Variants in ZNF701 observed in about 807,000 individuals in gnomAD.
ZNF701 encodes the protein zinc finger protein 701.
ZNF701 carries 6 observed loss-of-function variants against 7.1 expected under a neutral mutation model. The observed-to-expected ratio is 0.84, with a 90% confidence interval of 0.46 to 1.66. The LOEUF is 1.66. Ranked by LOEUF, ZNF701 falls within the 40% of genes most tolerant of loss-of-function variation. The pLI, the probability that ZNF701 is intolerant of heterozygous loss-of-function variation, is 0.01. For missense variants in ZNF701, 541 were observed against 559.2 expected (o/e 0.97, Z 0.33); for synonymous variants, 166 against 188.2 (o/e 0.88, Z 0.97).
At position 52,583,440 on chromosome 19, in the gene ZNF701, A is replaced by C. The variant is rs774953046; in HGVS notation, c.1381A>C (p.Thr461Pro). 6 of 1,612,478 alleles carry C rather than the reference A, an allele frequency of 3.7e-6. No individual in the cohort carries two copies. In the African/African-American group the frequency reaches 8.0e-5, roughly 22 times the overall value. ...SNLERHHRLH[T>P]GKKS ...CCTTGAACGTCATCATAGACTTCAT[A>C]CTGGAAAGAAATCTTAGAAGTGTAA... The change falls in exon 4 of 4, where the codon ACT becomes CCT. Residue 461 changes from threonine to proline, a missense_variant. Physicochemically the swap from Thr to Pro is conservative, Grantham distance 38. Coordinates refer to ENST00000391785, the MANE Select transcript of ZNF701 (RefSeq NM_018260.3).
chr19:52,589,477 G>T (rs2060028066), downstream of ZNF701, among the ~76,000 whole-genome samples: 4 of 118,508 alleles, frequency 3.4e-5, no homozygotes, highest in African/African-American at 9.5e-5. Flanking sequence ...TCACATGCCT[G>T]CTTTTTTTTT....
rs989752651 is a variant in ZNF701, at chr19:52,586,948, G to T, written c.*3491G>T. The T allele has an allele frequency of 5.9e-5, 9 of 151,998 alleles. No individual in the cohort carries two copies. The highest frequency in any genetic ancestry group is 2.6e-4 in the Admixed American group (4 of 15,250). The allele number at this position is 151,998 out of a possible 1,614,324, so 9.4% of individuals were successfully genotyped here. On this transcript the variant is annotated 3_prime_UTR_variant, in exon 4 of 4. Coordinates refer to ENST00000391785, the MANE Select transcript of ZNF701 (RefSeq NM_018260.3). ...TGGCTCCGTGTCCCCTGCAGGCCTC[G>T]CCCCGGAGCTCTACAATCCTGTGTG...
At chr19:52,592,236 A>C in the ZNF701 span, 2 of 1,573,304 alleles carry the variant, frequency 1.3e-6, no homozygotes, top group Non-Finnish European at 1.7e-6. Context: ...TGGGTGAGGA[A>C]AATATCCCTC....
intron 3 of ZNF701, among the ~76,000 whole-genome samples, chr19:52,580,310 A>G (rs1198059603): frequency 6.6e-6 from 1 of 151,980 alleles, no homozygotes; most frequent in African/African-American, 2.4e-5. Flanking sequence ...ACGTATATAT[A>G]CAGTGTTTTT....
At position 52,574,072 on chromosome 19, in the gene ZNF701, T is replaced by G. The variant is rs768123175; in HGVS notation, c.-71-5T>G. ...AGCAGTAAACAACATATTTCTAACA[T>G]TCAGGATTGACTTCTAAAGACTTGG... On this transcript the variant is annotated splice_polypyrimidine_tract_variant and splice_region_variant and intron_variant, in intron 1 of 3. Coordinates refer to ENST00000391785, the MANE Select transcript of ZNF701 (RefSeq NM_018260.3). 6.2e-7 allele frequency: 1 copy of G among 1,610,788 alleles called. No individual in the cohort carries two copies. Among genetic ancestry groups the G allele is most frequent in the Admixed American group, 1.7e-5 (1 of 59,944 alleles).
At chr19:52,592,784 A>T in the ZNF701 span, among the ~76,000 whole-genome samples, 4 of 120,242 alleles carry the variant, frequency 3.3e-5, 1 homozygote, top group Non-Finnish European at 7.3e-5. Flanking sequence ...TTTTTATTTT[A>T]TTTTTATTTT....
At chr19:52,577,601 C>T (rs1017005803) in intron 3 of ZNF701, among the ~76,000 whole-genome samples, 8 of 151,762 alleles carry the variant, frequency 5.3e-5, no homozygotes, top group African/African-American at 1.9e-4. Flanking sequence ...GAGAAGTGAC[C>T]TAGAAGGCAA....
chr19:52,599,390 T>C, the ZNF701 span, among the ~76,000 whole-genome samples: 1 of 152,124 alleles, frequency 6.6e-6, no homozygotes, highest in Non-Finnish European at 1.5e-5. Context: ...ATTCTGAGCC[T>C]TGAGAGGAAT....
Position 52,574,078 on chromosome 19 carries a change from A to T in ZNF701, c.-70A>T. On this transcript the variant is annotated splice_region_variant and 5_prime_UTR_variant, in exon 2 of 4. Transcript: ENST00000391785. ...AAACAACATATTTCTAACATTCAGG[A>T]TTGACTTCTAAAGACTTGGTACGTG... is the stretch of plus-strand genomic sequence containing the variant. The T allele has an allele frequency of 6.2e-7, 1 of 1,611,482 alleles. No individual in the cohort carries two copies. The highest frequency in any genetic ancestry group is 8.5e-7 in the Non-Finnish European group (1 of 1,179,016).
At chr19:52,578,917 C>T (rs1213210271) in intron 3 of ZNF701, among the ~76,000 whole-genome samples, 1 of 151,604 alleles carries the variant, frequency 6.6e-6, no homozygotes, top group Admixed American at 6.6e-5. Context: ...GCCACCGCGC[C>T]TGGCTAATTT....
Position 52,582,610 on chromosome 19 carries a change from CA to C in ZNF701, c.556del (p.Thr186LeufsTer45), listed in dbSNP as rs764695244. The C allele has an allele frequency of 8.7e-6, 14 of 1,613,994 alleles. No individual in the cohort carries two copies. In the African/African-American group the frequency reaches 1.9e-4, roughly 22 times the overall value. ...VSASQRISCRPKTRISNKYRN... is the reference protein window; with the variant it reads ...VSASQRISCRXKTRISNKYRN... ...GCATCCCAACGAATTTCCTGTAGGC[CA>C]AAAACTCGTATTTCTAATAAGTATA... On this transcript the variant is annotated frameshift_variant, in exon 4 of 4. Transcript: ENST00000391785. LOFTEE classifies it low-confidence loss of function (END_TRUNC).
chr19:52,599,906 G>A, the ZNF701 span, among the ~76,000 whole-genome samples: 1 of 152,082 alleles, frequency 6.6e-6, no homozygotes, highest in Non-Finnish European at 1.5e-5. Context: ...TCAGGATGAC[G>A]CTAGTTAGCT....
chr19:52,577,021 TGGAAAA>T (rs2059939117), intron 3 of ZNF701, among the ~76,000 whole-genome samples: 1 of 152,222 alleles, frequency 6.6e-6, no homozygotes, highest in Non-Finnish European at 1.5e-5. Context: ...AGAATTCTGT[TGGAAAA>T]GGAAAGTTTC....
At position 52,585,530 on chromosome 19, in the gene ZNF701, T is replaced by C. The variant is rs1399295948; in HGVS notation, c.*2073T>C. 6.8e-6 allele frequency: 1 copy of C among 147,928 alleles called. No homozygotes were observed. Among genetic ancestry groups the C allele is most frequent in the African/African-American group, 2.5e-5 (1 of 39,528 alleles). The allele number at this position is 147,928 out of a possible 1,614,324, so 9.2% of individuals were successfully genotyped here. A position where few individuals can be genotyped will look rare whatever the true frequency, so the allele number is the denominator to read the frequency against. ...CTGGAATGTGAAGTTTCCAGGTAGA[T>C]GGATATTAAACATAGAATTGAAGAA... On this transcript the variant is annotated 3_prime_UTR_variant, in exon 4 of 4. Transcript: ENST00000391785.
chr19:52,592,137 C>T (rs2060039349), downstream of ZNF701: 3 of 1,394,860 alleles, frequency 2.2e-6, no homozygotes, highest in Non-Finnish European at 3.0e-6. Context: ...CTATAGATTT[C>T]TCTTTGGAGG....
At chr19:52,587,209 T>C (rs1350893807), downstream of ZNF701, 1 of 152,234 alleles carries the variant, frequency 6.6e-6, no homozygotes, top group East Asian at 1.9e-4. Flanking sequence ...GAAAATTACA[T>C]GTATACATGA....
At chr19:52,587,573 T>G (rs867976512), downstream of ZNF701, among the ~76,000 whole-genome samples, 4 of 152,198 alleles carry the variant, frequency 2.6e-5, no homozygotes, top group African/African-American at 9.6e-5. Context: ...CAGCGCCACC[T>G]TCACCCCCAC....
chr19:52,593,930 G>A, the ZNF701 span: 1 of 135,382 alleles, frequency 7.4e-6, no homozygotes, highest in Middle Eastern at 3.6e-3. Flanking sequence ...GCCGGGCAGA[G>A]GCTGCAATCT....
At chr19:52,593,124 G>C in the ZNF701 span, among the ~76,000 whole-genome samples, 5 of 118,344 alleles carry the variant, frequency 4.2e-5, 1 homozygote, top group Non-Finnish European at 9.2e-5. Context: ...AGGATCCCAA[G>C]GCAGAAGAAT....
Sources: gnomAD v4.1 joint callset for allele counts (sites outside exome capture counted in the v4.1 genomes callset) on GRCh38, gnomAD v4.1.1 for gene constraint, MANE v1.5 for transcripts, NCBI Gene and HGNC (gene_info 2026-07-23, HGNC 2026-07-21) for gene names.